Variants in NGEF observed in about 807,000 individuals in gnomAD.
The protein encoded by NGEF is ephexin-1.
Under a neutral mutation model 80.9 loss-of-function variants are expected in NGEF, and 31 were observed. The observed-to-expected ratio is 0.38, with a 90% confidence interval of 0.29 to 0.52. NGEF has a LOEUF of 0.52. NGEF is among the 20% of genes least tolerant of loss of function. The pLI is 0.84. For synonymous variants in NGEF, 371 were observed against 370.2 expected (o/e 1.00, Z -0.03); for missense variants, 709 against 926.2 (o/e 0.77, Z 3.04).
intron 2 of NGEF, among the ~76,000 whole-genome samples, chr2:232,972,744 CTT>C (rs61594239): frequency 2.3e-3 from 284 of 122,832 alleles, no homozygotes; most frequent in African/African-American, 7.9e-3. Flanking sequence ...TGTCCTTATC[CTT>C]TTTTTTTTTT....
intron 9 of NGEF, among the ~76,000 whole-genome samples, chr2:232,887,368 C>T (rs1380309800): frequency 6.6e-6 from 1 of 151,552 alleles, no homozygotes; most frequent in Non-Finnish European, 1.5e-5. Flanking sequence ...GGAGCCGTCT[C>T]TCTCTGAGGG....
chr2:232,957,887 C>T (rs1049752833), intron 3 of NGEF, among the ~76,000 whole-genome samples: 1 of 152,208 alleles, frequency 6.6e-6, no homozygotes, highest in Admixed American at 6.5e-5. Flanking sequence ...AGGGGAAAAA[C>T]ATTTAGAACT....
chr2:232,928,513 G>C (rs1270496805), intron 3 of NGEF, among the ~76,000 whole-genome samples: 9 of 152,086 alleles, frequency 5.9e-5, no homozygotes, highest in African/African-American at 2.2e-4. Context: ...GGCACCCCCT[G>C]CGGTCTCCCG....
At chr2:233,012,091 G>GAGAA (rs1266831060) in intron 1 of NGEF, among the ~76,000 whole-genome samples, 2 of 152,078 alleles carry the variant, frequency 1.3e-5, no homozygotes, top group Admixed American at 1.3e-4. Flanking sequence ...GAGAGAGAGA[G>GAGAA]AGAAAGAGAG....
At chr2:232,895,432 C>T (rs1215413108) in intron 5 of NGEF, among the ~76,000 whole-genome samples, 1 of 151,402 alleles carries the variant, frequency 6.6e-6, no homozygotes, top group African/African-American at 2.4e-5. Flanking sequence ...GAGGCTGAGG[C>T]ATGAGAATCA....
intron 1 of NGEF, among the ~76,000 whole-genome samples, chr2:232,982,321 C>A (rs1286167726): frequency 6.6e-6 from 1 of 152,136 alleles, no homozygotes; most frequent in African/African-American, 2.4e-5. Flanking sequence ...ATGGTGGCAC[C>A]TTTCCTGTGA....
chr2:232,982,662 C>T (rs1694457616), intron 1 of NGEF, among the ~76,000 whole-genome samples: 1 of 152,172 alleles, frequency 6.6e-6, no homozygotes, highest in African/African-American at 2.4e-5. Flanking sequence ...TATAGGTGCC[C>T]GCTACCACAT....
chr2:233,005,137 C>T (rs1351274463), intron 1 of NGEF, among the ~76,000 whole-genome samples: 2 of 152,196 alleles, frequency 1.3e-5, no homozygotes, highest in Non-Finnish European at 2.9e-5. Context: ...CAACCATTAG[C>T]ATGGATCAGC....
chr2:232,995,148 A>G lies in NGEF; in HGVS notation c.-75+17920T>C, dbSNP rs758862646. On this transcript the variant is annotated intron_variant, in intron 1 of 14. Transcript: ENST00000264051. ...ATGTATATATGTACAGTATGTATAT[A>G]TGTACAGTATGTATACTGTATATGT... Among the ~76,000 whole-genome samples the G allele has an allele frequency of 1.7e-3, 31 of 17,980 alleles. 12 individuals are homozygous for G. The highest frequency in any genetic ancestry group is 7.7e-3 in the African/African-American group (30 of 3,890). 11.8% of individuals were successfully genotyped at this position (17,980 alleles called of 152,430 possible). A position where few individuals can be genotyped will look rare whatever the true frequency, so the allele number is the denominator to read the frequency against.
chr2:232,924,758 G>C (rs564288316), intron 4 of NGEF, among the ~76,000 whole-genome samples: 137 of 152,294 alleles, frequency 9.0e-4, no homozygotes, highest in Middle Eastern at 3.4e-3. Context: ...TGTTGCTTAA[G>C]AGCACTTTTT....
Position 232,995,342 on chromosome 2 carries a change from A to ATGTG in NGEF, c.-75+17725_-75+17726insCACA, listed in dbSNP as rs1694784790. ...TATATGTGTACAGTATGTATACTAT[A>ATGTG]TACAGTATGTATACTGTATACTGTA... On this transcript the variant is annotated intron_variant, in intron 1 of 14. Coordinates refer to ENST00000264051, the MANE Select transcript of NGEF (RefSeq NM_019850.3). 4.8e-4 allele frequency among the ~76,000 whole-genome samples: 7 copies of ATGTG among 14,718 alleles called. 3 individuals carry two copies. In the African/African-American group the frequency reaches 5.2e-3, roughly 11 times the overall value. 9.7% of individuals were successfully genotyped at this position (14,718 alleles called of 152,430 possible). A position where few individuals can be genotyped will look rare whatever the true frequency, so the allele number is the denominator to read the frequency against.
chr2:232,888,254 A>G, intron 8 of NGEF, 147 bp from the exon 9 acceptor site: 3 of 620,908 alleles, frequency 4.8e-6, no homozygotes, highest in South Asian at 1.9e-5. Context: ...ACGCACACGC[A>G]TACATGCATG....
intron 1 of NGEF, 192 bp downstream of exon 1, chr2:233,012,876 G>A (rs759238832): frequency 2.1e-6 from 1 of 471,076 alleles, no homozygotes; most frequent in Admixed American, 2.3e-5. Context: ...TGCCAGGAGG[G>A]GCAGTGCTGA....
intron 4 of NGEF, among the ~76,000 whole-genome samples, chr2:232,922,746 C>T (rs781061330): frequency 3.3e-5 from 5 of 152,248 alleles, no homozygotes; most frequent in Non-Finnish European, 7.3e-5. Context: ...ATAATAGGTA[C>T]TCAACTACTT....
Position 232,906,794 on chromosome 2 carries a change from G to A in NGEF, c.829-11878C>T, listed in dbSNP as rs1402927630. Among the ~76,000 whole-genome samples the A allele has an allele frequency of 4.0e-5, 6 of 151,828 alleles. No homozygotes were observed. In the South Asian group the frequency reaches 1.2e-3, roughly 32 times the overall value. ...ATCGGATGGTTGCGGTGTCTGTGTA[G>A]AAAGTAGTAGACATGGGAGACTTTT... is the stretch of plus-strand genomic sequence containing the variant. On this transcript the variant is annotated intron_variant, in intron 5 of 14. Transcript: ENST00000264051.
At chr2:232,968,379 C>T (rs1157347318) in intron 3 of NGEF, among the ~76,000 whole-genome samples, 1 of 151,522 alleles carries the variant, frequency 6.6e-6, no homozygotes, top group African/African-American at 2.4e-5. Context: ...TGAGCCACTG[C>T]ACCTGGCCCA....
intron 5 of NGEF, among the ~76,000 whole-genome samples, chr2:232,915,032 A>C (rs1359598566): frequency 6.6e-6 from 1 of 151,676 alleles, no homozygotes; most frequent in Non-Finnish European, 1.5e-5. Context: ...AAAAAAAAAA[A>C]AAAGAACATT....
At position 232,881,161 on chromosome 2, in the gene NGEF, C is replaced by T; in HGVS notation, c.1927G>A (p.Asp643Asn). ...TGGGCCTCACCGTCGTCAGTCTTGT[C>T]CAGGATGTTGAGGATGTCGGCGAGC... ...LELADILNILDKTDDGWIFGE... is the reference protein window; with the variant it reads ...LELADILNILNKTDDGWIFGE... Residue 643 changes from aspartate (D) to asparagine (N), a missense_variant, in exon 14 of 15, where the codon GAC becomes AAC. By Grantham distance (23) the Asp-to-Asn change is conservative. This residue lies in a region of NGEF where 426 missense variants were observed against 622.9 expected (regional missense o/e 0.68). Transcript: ENST00000264051. 1 of 1,612,566 alleles carries T rather than the reference C, an allele frequency of 6.2e-7. No individual in the cohort carries two copies. The highest frequency in any genetic ancestry group is 8.5e-7 in the Non-Finnish European group (1 of 1,179,994).
intron 5 of NGEF, among the ~76,000 whole-genome samples, chr2:232,900,106 A>T (rs1314394196): frequency 1.4e-5 from 2 of 143,866 alleles, no homozygotes; most frequent in Non-Finnish European, 3.0e-5. Flanking sequence ...ACATGCTCTC[A>T]GTCACTCATA....
Sources: allele counts gnomAD v4.1 joint callset (sites outside exome capture counted in the v4.1 genomes callset), GRCh38; gene constraint gnomAD v4.1.1; regional missense constraint gnomAD v4.1.1; transcripts MANE v1.5; gene names NCBI Gene and HGNC (gene_info 2026-07-23, HGNC 2026-07-21).